Variants in EIF3D observed in about 807,000 individuals in gnomAD.
EIF3D encodes eIF3 p66.
A neutral mutation model predicts 75.4 loss-of-function variants in EIF3D; 10 were observed. The ratio of observed to expected loss-of-function variants is 0.13; its 90% CI spans 0.08 to 0.22. The LOEUF (loss-of-function observed/expected upper bound fraction) is 0.22. EIF3D is among the 10% of genes least tolerant of loss of function. EIF3D has a pLI of 1.00. For missense variants in EIF3D, 394 were observed against 708.0 expected, an observed-to-expected ratio of 0.56 and a Z score of 5.03; for synonymous variants, 246 against 248.3, an observed-to-expected ratio of 0.99 and a Z score of 0.09.
chr22:36,522,689 G>T lies in EIF3D; in HGVS notation c.465+520C>A, dbSNP rs758132105. 2.0e-5 allele frequency among the ~76,000 whole-genome samples: 3 copies of T among 152,304 alleles called. No individual in the cohort carries two copies. The East Asian group carries it at 5.8e-4, about 29-fold the overall frequency. On this transcript the variant is annotated intron_variant, in intron 6 of 14. Transcript: ENST00000216190. ...TGCTGGTGTTTGGGTGTGCCTCCTG[G>T]AATTCATTTGGCAATCTGGTTGCTA...
chr22:36,517,755 CT>C (rs201939205), intron 9 of EIF3D, among the ~76,000 whole-genome samples: 1,945 of 149,684 alleles, frequency 0.013, 24 homozygotes, highest in Middle Eastern at 0.024. Context: ...AATATAAACA[CT>C]TTTTTTTTTG....
chr22:36,521,280 C>T (rs1398761784), intron 6 of EIF3D, among the ~76,000 whole-genome samples: 1 of 152,122 alleles, frequency 6.6e-6, no homozygotes, highest in East Asian at 1.9e-4. Flanking sequence ...CCCTGACTCC[C>T]AGGAATTTAT....
intron 13 of EIF3D, 102 bp from the exon 14 acceptor site, chr22:36,511,888 T>C (rs966239922): frequency 3.6e-6 from 5 of 1,397,664 alleles, no homozygotes; most frequent in East Asian, 5.0e-5. Context: ...TCCACTGCTA[T>C]TTTTTCTTTT....
chr22:36,521,734 CG>C (rs1413195836), intron 6 of EIF3D, among the ~76,000 whole-genome samples: 2 of 146,726 alleles, frequency 1.4e-5, no homozygotes, highest in South Asian at 4.4e-4. Context: ...TGAAACCAGC[CG>C]GGCCAACATG....
chr22:36,528,243 GCAGCCCGCAAAGAT>G (rs1424490974), intron 1 of EIF3D, among the ~76,000 whole-genome samples: 1 of 152,068 alleles, frequency 6.6e-6, no homozygotes, highest in Non-Finnish European at 1.5e-5. Flanking sequence ...CAGCTGGGCA[GCAGCCCGCAAAGAT>G]CAGGGGTTTG....
rs751977779 is a variant in EIF3D, at chr22:36,524,619, G to A, written c.283C>T (p.Arg95Trp). Reference sequence around the variant, plus strand: ...ACCTGGGCAAATCTCATTCGATTCCGCTGGTAGGCCGTCTTCTGTGTGCGC... The same window carrying A: ...ACCTGGGCAAATCTCATTCGATTCCACTGGTAGGCCGTCTTCTGTGTGCGC... Reference protein sequence around the residue: ...TARTQKTAYQRNRMRFAQRNL... With the variant: ...TARTQKTAYQWNRMRFAQRNL... Residue 95 changes from arginine to tryptophan, a missense_variant, in exon 4 of 15, where the codon CGG becomes TGG. Transcript: ENST00000216190. The A allele has an allele frequency of 1.9e-6, 3 of 1,614,158 alleles. No homozygotes were observed. Among genetic ancestry groups the A allele is most frequent in the Non-Finnish European group, 2.5e-6 (3 of 1,180,044 alleles).
intron 14 of EIF3D, chr22:36,511,291 C>A (rs1048024907): frequency 9.8e-7 from 1 of 1,015,390 alleles, no homozygotes; most frequent in Non-Finnish European, 1.4e-6. Flanking sequence ...AGTCCAGCCG[C>A]TTCTCTAAAA....
At chr22:36,520,832 A>T in intron 6 of EIF3D, 144 bp from the exon 7 acceptor site, 1 of 568,214 alleles carries the variant, frequency 1.8e-6, no homozygotes. Flanking sequence ...GGGCAGGATG[A>T]TTGCTTGAGC....
intron 1 of EIF3D, chr22:36,528,602 G>GGC (rs1406708346): frequency 6.9e-6 from 1 of 144,358 alleles, no homozygotes; most frequent in African/African-American, 2.9e-5. Context: ...ACAGGGGGTG[G>GGC]GGTAGATTTA....
intron 10 of EIF3D, chr22:36,517,041 C>T (rs1934438348): frequency 1.6e-6 from 1 of 612,078 alleles, no homozygotes; most frequent in East Asian, 2.8e-5. Flanking sequence ...ATATATTCAC[C>T]ATTTGATGTA....
chr22:36,522,430 T>C lies in EIF3D; in HGVS notation c.465+779A>G, dbSNP rs555632242. ...ATATGGAGGGCCGACTTTTCATATA[T>C]GTGGCTACCACAGGCCGAATGTGGG... On this transcript the variant is annotated intron_variant, in intron 6 of 14. Coordinates refer to ENST00000216190, the MANE Select transcript of EIF3D (RefSeq NM_003753.4). Among the ~76,000 whole-genome samples the C allele has an allele frequency of 2.8e-4, 42 of 152,328 alleles. 1 individual carries two copies. Among genetic ancestry groups the C allele is most frequent in the African/African-American group, 9.4e-4 (39 of 41,578 alleles).
At chr22:36,517,678 C>T (rs545868639) in intron 9 of EIF3D, among the ~76,000 whole-genome samples, 5 of 152,278 alleles carry the variant, frequency 3.3e-5, no homozygotes, top group East Asian at 3.9e-4. Flanking sequence ...CCTTTTCAGT[C>T]GTTTTGGATT....
chr22:36,522,038 G>T (rs964394981), intron 6 of EIF3D, among the ~76,000 whole-genome samples: 7 of 151,876 alleles, frequency 4.6e-5, no homozygotes, highest in African/African-American at 1.5e-4. Flanking sequence ...TTAATATGCA[G>T]ATTTTCTTCA....
rs1934320689 is a variant in EIF3D at position 36,510,860 on chromosome 22, A to C, written c.*127T>G. The C allele has an allele frequency of 1.7e-6, 2 of 1,164,446 alleles. No homozygotes were observed. The highest frequency in any genetic ancestry group is 1.2e-6 in the Non-Finnish European group (1 of 849,464). 72.1% of individuals were successfully genotyped at this position (1,164,446 alleles called of 1,614,324 possible). ...AATGCAGGCAGACGATGAGGGAAAG[A>C]CTAAACAGATATATATTTTATTTCA... On this transcript the variant is annotated 3_prime_UTR_variant, in exon 15 of 15. Transcript: ENST00000216190.
chr22:36,519,355 A>T, intron 8 of EIF3D, 50 bp downstream of exon 8: 1 of 1,609,658 alleles, frequency 6.2e-7, no homozygotes, highest in South Asian at 1.1e-5. Flanking sequence ...CAGCTGTAGA[A>T]GCCGACAGCA....
chr22:36,528,615 A>C (rs1934646169), intron 1 of EIF3D: 1 of 145,482 alleles, frequency 6.9e-6, no homozygotes, highest in African/African-American at 2.8e-5. Context: ...TAGATTTAAG[A>C]TCAGAGATCA....
At chr22:36,524,487 C>T (rs866952078) in intron 4 of EIF3D, 109 bp downstream of exon 4, 18 of 1,501,960 alleles carry the variant, frequency 1.2e-5, no homozygotes, top group Middle Eastern at 2.4e-4. Context: ...ACGAAAAGAC[C>T]TATAATATGC....
chr22:36,517,890 T>G (rs1400563051), intron 9 of EIF3D, among the ~76,000 whole-genome samples: 1 of 151,916 alleles, frequency 6.6e-6, no homozygotes, highest in African/African-American at 2.4e-5. Context: ...TGGGATTACA[T>G]GTGTCCACCA....
chr22:36,520,450 T>G (rs1017836094), intron 7 of EIF3D, 126 bp downstream of exon 7: 1 of 626,614 alleles, frequency 1.6e-6, no homozygotes, highest in African/African-American at 1.9e-5. Flanking sequence ...GTTAACCTTA[T>G]GAAATGTGTT....
Sources: gnomAD v4.1 joint callset for allele counts (sites outside exome capture counted in the v4.1 genomes callset) on GRCh38, gnomAD v4.1.1 for gene constraint, MANE v1.5 for transcripts, NCBI Gene and HGNC (gene_info 2026-07-23, HGNC 2026-07-21) for gene names.